The following CLVS1 variants were observed in gnomAD, a reference collection of about 807,000 sequenced individuals.
CLVS1 encodes the protein clavesin-1.
In CLVS1, 10 loss-of-function variants were observed where a neutral mutation model predicts 33.1. That is an observed-to-expected ratio of 0.30 (90% confidence interval 0.19 to 0.51). The LOEUF (loss-of-function observed/expected upper bound fraction) is 0.51, where lower values mean the gene tolerates loss of function less well. Among genes scored for constraint, CLVS1 ranks in the 20% least tolerant of loss-of-function variants. The pLI is 0.97. For synonymous variants in CLVS1, 163 were observed against 166.1 expected (o/e 0.98, Z 0.14); for missense variants, 343 against 433.4 (o/e 0.79, Z 1.85).
intron 2 of CLVS1, among the ~76,000 whole-genome samples, chr8:61,231,794 G>A (rs1460103292): frequency 6.6e-6 from 1 of 152,136 alleles, no homozygotes; most frequent in Non-Finnish European, 1.5e-5. Context: ...CGCCAGCATG[G>A]GCTGAAGTTT....
chr8:61,032,650 G>C, the CLVS1 span, among the ~76,000 whole-genome samples: 1 of 152,132 alleles, frequency 6.6e-6, no homozygotes, highest in Admixed American at 6.5e-5. Flanking sequence ...TTCTCTCTCT[G>C]TGAAGCGCCT....
chr8:61,093,486 A>G (rs751767609), intron 1 of CLVS1, among the ~76,000 whole-genome samples: 3 of 152,210 alleles, frequency 2.0e-5, no homozygotes, highest in Non-Finnish European at 4.4e-5. Context: ...TAATGTGCTT[A>G]CAAAAAAACC....
At chr8:61,412,806 C>A (rs867120547) in intron 3 of CLVS1, among the ~76,000 whole-genome samples, 2 of 152,116 alleles carry the variant, frequency 1.3e-5, no homozygotes, top group Admixed American at 6.5e-5. Context: ...TTTTAGAGGA[C>A]CTTGAATGTC....
chr8:61,327,584 T>C (rs1005416362), intron 2 of CLVS1, among the ~76,000 whole-genome samples: 9 of 152,236 alleles, frequency 5.9e-5, no homozygotes, highest in Admixed American at 1.3e-4. Flanking sequence ...ATTTCAACTA[T>C]GACTCAAAAG....
intron 5 of CLVS1, among the ~76,000 whole-genome samples, chr8:61,475,390 G>T (rs1445090330): frequency 6.6e-6 from 1 of 152,226 alleles, no homozygotes; most frequent in Non-Finnish European, 1.5e-5. Context: ...CACAATGGTT[G>T]AACTAGTTTA....
intron 2 of CLVS1, among the ~76,000 whole-genome samples, chr8:61,344,336 C>G (rs1189637002): frequency 6.6e-6 from 1 of 152,140 alleles, no homozygotes; most frequent in East Asian, 1.9e-4. Context: ...CATGAGCCAC[C>G]GCACTCGGCC....
At chr8:61,063,561 G>A (rs1161758707) in intron 1 of CLVS1, among the ~76,000 whole-genome samples, 1 of 152,106 alleles carries the variant, frequency 6.6e-6, no homozygotes. Flanking sequence ...AGGAGAATAC[G>A]GCAGGACCCA....
chr8:61,112,241 G>C (rs915630253), intron 1 of CLVS1, among the ~76,000 whole-genome samples: 1 of 151,366 alleles, frequency 6.6e-6, no homozygotes, highest in Non-Finnish European at 1.5e-5. Context: ...GAGAGAGAGA[G>C]AGGTTCATAT....
intron 2 of CLVS1, among the ~76,000 whole-genome samples, chr8:61,278,011 C>G (rs1355234310): frequency 1.3e-5 from 2 of 152,148 alleles, no homozygotes; most frequent in Admixed American, 6.5e-5. Flanking sequence ...CTAGAAGGGT[C>G]TAAAGCTGCC....
At chr8:61,054,313 G>A (rs537333126), upstream of CLVS1, among the ~76,000 whole-genome samples, 1 of 152,310 alleles carries the variant, frequency 6.6e-6, no homozygotes, top group South Asian at 2.1e-4. Flanking sequence ...GAAGCTGGGT[G>A]AGGATATCAG....
chr8:61,420,395 C>T (rs376264365), intron 3 of CLVS1, among the ~76,000 whole-genome samples: 1 of 151,880 alleles, frequency 6.6e-6, no homozygotes, highest in Non-Finnish European at 1.5e-5. Context: ...GTCAGGAGTT[C>T]GAGACCAGAC....
At position 61,059,499 on chromosome 8, in the gene CLVS1, T is replaced by TATACAC. The variant is rs1265187479; in HGVS notation, c.-243+2270_-243+2271insTACACA. On this transcript the variant is annotated intron_variant, in intron 1 of 2. Transcript: ENST00000522621. Reference sequence around the variant, plus strand: ...ACATATATATATATATATATATATATACACATATCTTGAAAATAGCACGAG... The same window carrying TATACAC: ...ACATATATATATATATATATATATATATACACACACATATCTTGAAAATAGCACGAG... Among the ~76,000 whole-genome samples the TATACAC allele has an allele frequency of 1.5e-4, 14 of 96,366 alleles. 1 individual carries two copies. Among genetic ancestry groups the TATACAC allele is most frequent in the Middle Eastern group, 5.6e-3 (1 of 178 alleles). 63.2% of individuals were successfully genotyped at this position (96,366 alleles called of 152,430 possible). A position where few individuals can be genotyped will look rare whatever the true frequency, so the allele number is the denominator to read the frequency against.
intron 3 of CLVS1, among the ~76,000 whole-genome samples, chr8:61,418,035 C>A (rs990541473): frequency 6.6e-6 from 1 of 152,204 alleles, no homozygotes; most frequent in African/African-American, 2.4e-5. Context: ...ATACAGCTGC[C>A]AGGGGCAGAA....
intron 3 of CLVS1, among the ~76,000 whole-genome samples, chr8:61,445,602 A>T (rs535431060): frequency 6.6e-6 from 1 of 151,996 alleles, no homozygotes; most frequent in African/African-American, 2.4e-5. Flanking sequence ...AGCCAAATAA[A>T]CCTCCTTTTT....
the CLVS1 span, among the ~76,000 whole-genome samples, chr8:61,012,380 A>G: frequency 6.6e-5 from 10 of 152,188 alleles, no homozygotes; most frequent in Non-Finnish European, 1.5e-4. Context: ...TTTTGTTTTC[A>G]TTATATCATT....
At chr8:61,190,281 C>T (rs1807441926) in intron 2 of CLVS1, among the ~76,000 whole-genome samples, 1 of 152,124 alleles carries the variant, frequency 6.6e-6, no homozygotes, top group Non-Finnish European at 1.5e-5. Flanking sequence ...CTACTGGATA[C>T]ATAACAAAAT....
upstream of CLVS1, among the ~76,000 whole-genome samples, chr8:61,053,836 T>C (rs1404179217): frequency 6.6e-6 from 1 of 152,142 alleles, no homozygotes; most frequent in Non-Finnish European, 1.5e-5. Context: ...AGGATGCAAA[T>C]CTTGGCCACT....
At chr8:61,104,203 C>T (rs1423530996) in intron 1 of CLVS1, among the ~76,000 whole-genome samples, 1 of 152,146 alleles carries the variant, frequency 6.6e-6, no homozygotes, top group African/African-American at 2.4e-5. Context: ...AAGCTTCTTA[C>T]TATAGAGAAT....
At chr8:61,300,324 A>G in intron 2 of CLVS1, 42 bp downstream of exon 2, 1 of 1,517,106 alleles carries the variant, frequency 6.6e-7, no homozygotes, top group Non-Finnish European at 9.0e-7. Context: ...TCTTTGCTAT[A>G]AGCATTATCA....
Sources: gnomAD v4.1 joint callset for allele counts (sites outside exome capture counted in the v4.1 genomes callset) on GRCh38, gnomAD v4.1.1 for gene constraint, MANE v1.5 for transcripts, NCBI Gene and HGNC (gene_info 2026-07-23, HGNC 2026-07-21) for gene names.